AKR1C8: variants seen among roughly 807,000 people sequenced by gnomAD.
The protein encoded by AKR1C8 is aldo-keto reductase family 1 member C8.
At chr10:5,143,273 G>A in the AKR1C8 span, among the ~76,000 whole-genome samples, 505 of 152,210 alleles carry the variant, frequency 3.3e-3, 4 homozygotes, top group African/African-American at 0.012. Flanking sequence ...TCTTCTACCC[G>A]TGGACATCAG....
the AKR1C8 span, among the ~76,000 whole-genome samples, chr10:5,180,028 C>T: frequency 1.3e-3 from 191 of 152,310 alleles, 1 homozygote; most frequent in African/African-American, 4.4e-3. Context: ...GAACTGCGTT[C>T]GTTTGGAGGA....
chr10:5,135,226 T>G, the AKR1C8 span: 1 of 221,632 alleles, frequency 4.5e-6, no homozygotes, highest in Non-Finnish European at 1.0e-5. Flanking sequence ...TTGGGATCCA[T>G]TGAATGTCAT....
At chr10:5,175,165 C>G in the AKR1C8 span, among the ~76,000 whole-genome samples, 1 of 144,668 alleles carries the variant, frequency 6.9e-6, no homozygotes, top group Non-Finnish European at 1.5e-5. Flanking sequence ...GTGATGTTCC[C>G]CTTCCTGTGT....
the AKR1C8 span, among the ~76,000 whole-genome samples, chr10:5,179,597 C>A: frequency 4.6e-3 from 689 of 149,474 alleles, 4 homozygotes; most frequent in Non-Finnish European, 8.2e-3. Context: ...TCCATTCTCC[C>A]CATCACTTTC....
chr10:5,180,204 CA>C, the AKR1C8 span, among the ~76,000 whole-genome samples: 3 of 152,210 alleles, frequency 2.0e-5, no homozygotes, highest in African/African-American at 7.2e-5. Context: ...ACAGGACCCT[CA>C]GCTGCAGGTC....
chr10:5,141,210 G>T, the AKR1C8 span, among the ~76,000 whole-genome samples: 30,523 of 152,036 alleles, frequency 0.2, 3,900 homozygotes, highest in East Asian at 0.62. Flanking sequence ...AACTTTTTGT[G>T]CATTCATATG....
the AKR1C8 span, among the ~76,000 whole-genome samples, chr10:5,175,323 A>G: frequency 1.2e-3 from 186 of 152,082 alleles, 1 homozygote; most frequent in African/African-American, 4.4e-3. Context: ...TTTTATGGCT[A>G]CATAGTATTC....
At chr10:5,132,481 G>A in the AKR1C8 span, 1 of 900,358 alleles carries the variant, frequency 1.1e-6, no homozygotes, top group Non-Finnish European at 1.5e-6. Flanking sequence ...ACATGAATAT[G>A]TGTCAATAAA....
chr10:5,149,236 A>T, the AKR1C8 span, among the ~76,000 whole-genome samples: 2 of 152,086 alleles, frequency 1.3e-5, no homozygotes, highest in Non-Finnish European at 2.9e-5. Flanking sequence ...CTCTAATAAC[A>T]GGTGTACTAT....
chr10:5,172,919 G>T, the AKR1C8 span, among the ~76,000 whole-genome samples: 3 of 152,120 alleles, frequency 2.0e-5, no homozygotes, highest in Non-Finnish European at 4.4e-5. Context: ...TTCCTGATTG[G>T]ATAATTGGCC....
chr10:5,140,295 G>A, the AKR1C8 span, among the ~76,000 whole-genome samples: 1 of 152,140 alleles, frequency 6.6e-6, no homozygotes, highest in Non-Finnish European at 1.5e-5. Flanking sequence ...TCCCATTACT[G>A]GGTATATACC....
the AKR1C8 span, among the ~76,000 whole-genome samples, chr10:5,146,020 A>T: frequency 6.6e-6 from 1 of 152,040 alleles, no homozygotes; most frequent in East Asian, 1.9e-4. Flanking sequence ...ATGCAGCCAT[A>T]AAAAATGATA....
At chr10:5,176,982 C>G in the AKR1C8 span, among the ~76,000 whole-genome samples, 1 of 152,042 alleles carries the variant, frequency 6.6e-6, no homozygotes, top group Non-Finnish European at 1.5e-5. Context: ...CTTCTCCTGC[C>G]TAATTGCCCT....
chr10:5,132,705 T>C, the AKR1C8 span: 1 of 1,583,836 alleles, frequency 6.3e-7, no homozygotes. Flanking sequence ...ATGAGCAGAA[T>C]CAATATGGAA....
At chr10:5,135,615 T>C in the AKR1C8 span, among the ~76,000 whole-genome samples, 217 of 152,262 alleles carry the variant, frequency 1.4e-3, no homozygotes, top group African/African-American at 4.5e-3. Flanking sequence ...ATTCCTCCAA[T>C]AGATTTATAG....
At chr10:5,181,436 A>G in the AKR1C8 span, among the ~76,000 whole-genome samples, 1 of 152,228 alleles carries the variant, frequency 6.6e-6, no homozygotes, top group African/African-American at 2.4e-5. Context: ...CTGTTTCATA[A>G]TATCAATTGG....
At chr10:5,177,477 G>C in the AKR1C8 span, among the ~76,000 whole-genome samples, 2 of 152,144 alleles carry the variant, frequency 1.3e-5, no homozygotes, top group South Asian at 4.2e-4. Context: ...TTGGTATCAG[G>C]ATGATGCTGG....
chr10:5,168,636 A>C, the AKR1C8 span, among the ~76,000 whole-genome samples: 1 of 152,236 alleles, frequency 6.6e-6, no homozygotes, highest in South Asian at 2.1e-4. Flanking sequence ...CCAAACCCTA[A>C]CTACTACTGA....
At chr10:5,183,002 CTATCA>C in the AKR1C8 span, among the ~76,000 whole-genome samples, 5 of 151,996 alleles carry the variant, frequency 3.3e-5, no homozygotes, top group African/African-American at 9.7e-5. Flanking sequence ...CAGTACTATC[CTATCA>C]TGACTTGTTT....
Sources: allele counts gnomAD v4.1 joint callset (sites outside exome capture counted in the v4.1 genomes callset), GRCh38; gene constraint gnomAD v4.1.1; transcripts MANE v1.5; gene names NCBI Gene and HGNC (gene_info 2026-07-23, HGNC 2026-07-21).